MITF: variants seen among roughly 807,000 people sequenced by gnomAD.
MITF encodes melanocyte inducing transcription factor, also known as microphthalmia-associated transcription factor.
Under a neutral mutation model 60.5 loss-of-function variants are expected in MITF, and 17 were observed. That is an observed-to-expected ratio of 0.28 (90% CI 0.19 to 0.42). The LOEUF (loss-of-function observed/expected upper bound fraction) is 0.42, where lower values mean the gene tolerates loss of function less well. Ranked by LOEUF, MITF falls within the 10% of genes least tolerant of loss-of-function variation. The pLI, the probability that MITF is intolerant of heterozygous loss-of-function variation, is 1.00. For missense variants in MITF, 622 were observed against 683.5 expected, an observed-to-expected ratio of 0.91 and a Z score of 1.00; for synonymous variants, 260 against 248.5, an observed-to-expected ratio of 1.05 and a Z score of -0.43.
rs577418177 is a variant in MITF at position 69,965,672 on chromosome 3, A to G, written c.*424A>G. On this transcript the variant is annotated 3_prime_UTR_variant, in exon 10 of 10. Transcript: ENST00000352241. ...CAAAAAGAAAAAAAAAAAGAAAGAAAGAGGAAAAGAAATCCATACTAACCC... is the reference window on the plus strand; with the variant it reads ...CAAAAAGAAAAAAAAAAAGAAAGAAGGAGGAAAAGAAATCCATACTAACCC... The G allele has an allele frequency of 1.2e-5, 3 of 254,774 alleles. No individual in the cohort carries two copies. Among genetic ancestry groups the G allele is most frequent in the East Asian group, 1.1e-4 (2 of 17,740 alleles). 15.8% of individuals were successfully genotyped at this position (254,774 alleles called of 1,614,324 possible).
intron 1 of MITF, among the ~76,000 whole-genome samples, chr3:69,831,931 A>G (rs768779160): frequency 1.3e-5 from 2 of 152,188 alleles, no homozygotes; most frequent in Non-Finnish European, 2.9e-5. Flanking sequence ...GGTGGTACAC[A>G]GGGTGTACGC....
intron 2 of MITF, among the ~76,000 whole-genome samples, chr3:69,922,499 A>G (rs1575969731): frequency 6.6e-6 from 1 of 152,150 alleles, no homozygotes; most frequent in East Asian, 1.9e-4. Flanking sequence ...GGATTACAGG[A>G]GTGAGCCACC....
intron 2 of MITF, among the ~76,000 whole-genome samples, chr3:69,885,192 CTCTT>C (rs1259159468): frequency 6.6e-6 from 1 of 152,106 alleles, no homozygotes; most frequent in African/African-American, 2.4e-5. Context: ...ATGGCGCTCT[CTCTT>C]TAAGTAGGAG....
chr3:69,867,204 G>A (rs998163234), intron 1 of MITF, among the ~76,000 whole-genome samples: 2 of 152,140 alleles, frequency 1.3e-5, no homozygotes, highest in South Asian at 2.1e-4. Context: ...CCTGGGTCAT[G>A]GGAGAGGTTC....
intron 1 of MITF, among the ~76,000 whole-genome samples, chr3:69,770,566 C>CA (rs1232197009): frequency 6.6e-5 from 10 of 152,156 alleles, no homozygotes; most frequent in Admixed American, 5.2e-4. Flanking sequence ...GAGAGAATTG[C>CA]ATTCTAAGAG....
At chr3:69,768,879 A>G (rs2062344682) in intron 1 of MITF, among the ~76,000 whole-genome samples, 1 of 152,230 alleles carries the variant, frequency 6.6e-6, no homozygotes, top group South Asian at 2.1e-4. Flanking sequence ...AAGATGAAGC[A>G]TTCAAATTTA....
At chr3:69,843,391 C>A (rs1417207848) in intron 1 of MITF, among the ~76,000 whole-genome samples, 1 of 152,148 alleles carries the variant, frequency 6.6e-6, no homozygotes, top group Non-Finnish European at 1.5e-5. Flanking sequence ...CAGCAGAAAT[C>A]TCTATTCTGA....
chr3:69,844,130 AT>A (rs2063689126), intron 1 of MITF, among the ~76,000 whole-genome samples: 1 of 152,094 alleles, frequency 6.6e-6, no homozygotes. Flanking sequence ...CATTTTCTTT[AT>A]CCAGTCTATT....
chr3:69,817,735 C>T (rs2107029370), intron 1 of MITF, among the ~76,000 whole-genome samples: 1 of 152,130 alleles, frequency 6.6e-6, no homozygotes, highest in East Asian at 1.9e-4. Flanking sequence ...TTATATTCTT[C>T]TTTGTATTTT....
At chr3:69,869,946 T>G (rs1241361310) in intron 1 of MITF, among the ~76,000 whole-genome samples, 1 of 151,990 alleles carries the variant, frequency 6.6e-6, no homozygotes, top group Non-Finnish European at 1.5e-5. Context: ...ATGTAAACTT[T>G]AAGTTATGTT....
At chr3:69,802,777 C>T (rs536971421) in intron 1 of MITF, among the ~76,000 whole-genome samples, 3 of 146,822 alleles carry the variant, frequency 2.0e-5, no homozygotes, top group Non-Finnish European at 3.0e-5. Flanking sequence ...CTGCAATCTC[C>T]GCCTCCTAGG....
intron 2 of MITF, among the ~76,000 whole-genome samples, chr3:69,890,943 G>A (rs935731752): frequency 1.3e-5 from 2 of 152,068 alleles, no homozygotes; most frequent in Admixed American, 1.3e-4. Context: ...AGAAAGCCAA[G>A]GGAGCAAAAA....
At chr3:69,947,944 G>C (rs1321436444) in intron 5 of MITF, among the ~76,000 whole-genome samples, 1 of 152,084 alleles carries the variant, frequency 6.6e-6, no homozygotes, top group Non-Finnish European at 1.5e-5. Flanking sequence ...AGGATGCAAG[G>C]TACTCTGTTG....
chr3:69,965,434 T>C lies in MITF; in HGVS notation c.*186T>C, dbSNP rs1196055245. 1.7e-6 allele frequency: 1 copy of C among 601,122 alleles called. No individual in the cohort carries two copies. The highest frequency in any genetic ancestry group is 2.1e-5 in the South Asian group (1 of 46,918). 37.2% of individuals were successfully genotyped at this position (601,122 alleles called of 1,614,324 possible). On this transcript the variant is annotated 3_prime_UTR_variant, in exon 10 of 10. Transcript: ENST00000352241. Reference sequence around the variant, plus strand: ...TGAAACAGACTTGTATATTCTATTTTACAACTACAAATGCCTCCAAAGTAT... The same window carrying C: ...TGAAACAGACTTGTATATTCTATTTCACAACTACAAATGCCTCCAAAGTAT...
chr3:69,759,411 A>G (rs1180022913), intron 1 of MITF, among the ~76,000 whole-genome samples: 1 of 152,214 alleles, frequency 6.6e-6, no homozygotes, highest in Non-Finnish European at 1.5e-5. Context: ...CTTTTTTACA[A>G]TATGATGTGA....
intron 1 of MITF, among the ~76,000 whole-genome samples, chr3:69,851,133 T>G (rs1257561027): frequency 1.3e-5 from 2 of 152,210 alleles, no homozygotes; most frequent in Admixed American, 1.3e-4. Flanking sequence ...GTGCTTTGGT[T>G]GGATACTTCT....
intron 1 of MITF, among the ~76,000 whole-genome samples, chr3:69,790,375 T>C (rs2106911447): frequency 6.6e-6 from 1 of 152,278 alleles, no homozygotes; most frequent in Non-Finnish European, 1.5e-5. Context: ...AGAGCTTCAG[T>C]TTTGCGAGAT....
chr3:69,899,455 GGTATA>G (rs778302812), intron 2 of MITF, among the ~76,000 whole-genome samples: 18 of 152,184 alleles, frequency 1.2e-4, no homozygotes, highest in Non-Finnish European at 2.4e-4. Context: ...GCCATGGAAA[GGTATA>G]GGCTAGGGGA....
chr3:69,826,772 T>G (rs1442386849), intron 1 of MITF, among the ~76,000 whole-genome samples: 1 of 152,214 alleles, frequency 6.6e-6, no homozygotes, highest in African/African-American at 2.4e-5. Flanking sequence ...TAATGGAAGC[T>G]GCCATTACTT....
Sources: gnomAD v4.1 joint callset for allele counts (sites outside exome capture counted in the v4.1 genomes callset) on GRCh38, gnomAD v4.1.1 for gene constraint, MANE v1.5 for transcripts, NCBI Gene and HGNC (gene_info 2026-07-23, HGNC 2026-07-21) for gene names.